The following MTOR variants were observed in gnomAD, a reference collection of about 807,000 sequenced individuals.
The protein encoded by MTOR is serine/threonine-protein kinase mTOR.
MTOR carries 70 observed loss-of-function variants against 319.8 expected under a neutral mutation model. The ratio of observed to expected loss-of-function variants is 0.22; its 90% CI spans 0.18 to 0.27. The LOEUF is 0.27. Among genes scored for constraint, MTOR ranks in the 10% least tolerant of loss-of-function variants. The pLI is 1.00. For synonymous variants in MTOR, 1,183 were observed against 1,211.4 expected (o/e 0.98, Z 0.49); for missense variants, 1,890 against 3,274.4 (o/e 0.58, Z 10.32).
intron 28 of MTOR, among the ~76,000 whole-genome samples, chr1:11,172,016 G>A (rs1439199432): frequency 6.9e-6 from 1 of 144,184 alleles, no homozygotes; most frequent in Admixed American, 7.0e-5. Flanking sequence ...GGCAACAAGA[G>A]CAAAACTCCA....
rs567884611 is a variant in MTOR at position 11,229,051 on chromosome 1, T to C, written c.2780-133A>G. The C allele has an allele frequency of 3.6e-5, 42 of 1,167,788 alleles. 1 individual carries two copies. Among genetic ancestry groups the C allele is most frequent in the Non-Finnish European group, 5.0e-5 (41 of 817,646 alleles). The allele number at this position is 1,167,788 out of a possible 1,614,324, so 72.3% of individuals were successfully genotyped here. A position where few individuals can be genotyped will look rare whatever the true frequency, so the allele number is the denominator to read the frequency against. The stretch of plus-strand genomic sequence containing the variant: ...CTTTCTTCCTAGTATGTTCTAACAC[T>C]GTTGGGAGTTCAAGGTCTATTAGGA... On this transcript the variant is annotated intron_variant, in intron 18 of 57. Coordinates refer to ENST00000361445, the MANE Select transcript of MTOR (RefSeq NM_004958.4).
chr1:11,159,267 G>C (rs1176494322), intron 29 of MTOR, among the ~76,000 whole-genome samples: 1 of 152,170 alleles, frequency 6.6e-6, no homozygotes, highest in Admixed American at 6.5e-5. Flanking sequence ...TGCAAACAAG[G>C]ATTGTGGCAA....
intron 19 of MTOR, among the ~76,000 whole-genome samples, chr1:11,224,793 A>C (rs1431665709): frequency 6.6e-6 from 1 of 152,244 alleles, no homozygotes; most frequent in African/African-American, 2.4e-5. Flanking sequence ...ACTTCTAAAT[A>C]ACTCAAGGGT....
At chr1:11,203,642 A>T (rs1456247989) in intron 26 of MTOR, among the ~76,000 whole-genome samples, 3 of 152,006 alleles carry the variant, frequency 2.0e-5, no homozygotes, top group Admixed American at 1.3e-4. Context: ...ACTGCAGTCC[A>T]GCCTGAGCAA....
intron 52 of MTOR, 130 bp from the exon 53 acceptor site, chr1:11,114,583 TAGG>T: frequency 7.4e-7 from 1 of 1,344,368 alleles, no homozygotes; most frequent in Non-Finnish European, 1.0e-6. Context: ...GAGAATGTCT[TAGG>T]AGAAGGAATC....
At chr1:11,157,749 G>T (rs1030420101) in intron 29 of MTOR, among the ~76,000 whole-genome samples, 5 of 152,138 alleles carry the variant, frequency 3.3e-5, no homozygotes, top group African/African-American at 1.2e-4. Flanking sequence ...TCCTGATGGG[G>T]CCAGAAAGAC....
rs1643093803 is a variant in MTOR at position 11,130,596 on chromosome 1, C to T, written c.5546G>A (p.Ser1849Asn). ...CTCGGTGCTCTCGGCCTCGCTCTCA[C>T]TGTTGCTGCCCTCGGTGCTGGCAGT... ...TTTASTEGSN[S>N]ESEAESTENS... Residue 1849 changes from serine (S) to asparagine (N), a missense_variant, in exon 39 of 58, where the codon AGT becomes AAT. By Grantham distance (46) the Ser-to-Asn change is conservative. Coordinates refer to ENST00000361445, the MANE Select transcript of MTOR (RefSeq NM_004958.4). 3 of 1,613,940 alleles carry T rather than the reference C, an allele frequency of 1.9e-6. No individual in the cohort carries two copies.
Position 11,212,583 on chromosome 1 carries a change from T to C in MTOR, c.3399-109A>G. The C allele has an allele frequency of 7.4e-7, 1 of 1,349,898 alleles. No individual in the cohort carries two copies. Among genetic ancestry groups the C allele is most frequent in the East Asian group, 2.4e-5 (1 of 42,086 alleles). The allele number at this position is 1,349,898 out of a possible 1,614,324, so 83.6% of individuals were successfully genotyped here. A position where few individuals can be genotyped will look rare whatever the true frequency, so the allele number is the denominator to read the frequency against. On this transcript the variant is annotated intron_variant, in intron 22 of 57. Transcript: ENST00000361445. This position sits in a 1 kb window ranked among gnomAD's most constrained non-coding sequence, Gnocchi z 4.1. ...CACCAAAGGGATGGGAATGAACGGCTTCTAAGGTATTTTGGATGACATGGA... is the reference window on the plus strand; with the variant it reads ...CACCAAAGGGATGGGAATGAACGGCCTCTAAGGTATTTTGGATGACATGGA...
chr1:11,218,675 G>C (rs1008579719), intron 19 of MTOR, among the ~76,000 whole-genome samples: 4 of 152,148 alleles, frequency 2.6e-5, no homozygotes, highest in African/African-American at 9.7e-5. Flanking sequence ...TTATTCATAA[G>C]GAGTAGCTGC....
Position 11,109,279 on chromosome 1 carries a change from G to C in MTOR, c.7528+11C>G, listed in dbSNP as rs144191275. On this transcript the variant is annotated intron_variant, in intron 56 of 57. Coordinates refer to ENST00000361445, the MANE Select transcript of MTOR (RefSeq NM_004958.4). This position sits in a 1 kb window ranked among gnomAD's most constrained non-coding sequence, Gnocchi z 4.0. The stretch of plus-strand genomic sequence containing the variant: ...TTATGTCCCTTTTAAGTAAACACAT[G>C]ACACACTCACCAGTGAGCTTATCTC... 2 of 1,612,298 alleles carry C rather than the reference G, an allele frequency of 1.2e-6. No individual in the cohort carries two copies. Among genetic ancestry groups the C allele is most frequent in the Non-Finnish European group, 1.7e-6 (2 of 1,178,894 alleles).
chr1:11,226,709 G>C (rs928700482), intron 19 of MTOR, among the ~76,000 whole-genome samples: 1 of 152,016 alleles, frequency 6.6e-6, no homozygotes, highest in Non-Finnish European at 1.5e-5. Context: ...AGGAGGTGGA[G>C]GTTGCAGTGA....
intron 49 of MTOR, among the ~76,000 whole-genome samples, chr1:11,118,618 CT>C (rs1359304379): frequency 0.094 from 11,899 of 127,152 alleles, 415 homozygotes; most frequent in Admixed American, 0.11. Flanking sequence ...TTTTCTTCTT[CT>C]TTTTTTTTTT....
chr1:11,126,719 T>G lies in MTOR; in HGVS notation c.6429A>C (p.Thr2143=). The change falls in exon 46 of 58, where the codon ACA becomes ACC. Residue 2143 remains threonine (T), a synonymous_variant. Transcript: ENST00000361445. Reference sequence around the variant, plus strand: ...GAATGATTGGCTGGTTGGGGTCATATGTTCCTGGCACAGCCAATTCAAGGT... The same window carrying G: ...GAATGATTGGCTGGTTGGGGTCATAGGTTCCTGGCACAGCCAATTCAAGGT... ...CRDLELAVPG[T]YDPNQPIIRI... is the part of the protein sequence containing the mutation. 6.2e-7 allele frequency: 1 copy of G among 1,614,134 alleles called. No individual in the cohort carries two copies. Among genetic ancestry groups the G allele is most frequent in the Non-Finnish European group, 8.5e-7 (1 of 1,180,020 alleles).
chr1:11,146,754 G>A lies in MTOR; in HGVS notation c.4608C>T (p.Ile1536=), dbSNP rs759106182. 1 of 1,614,056 alleles carries A rather than the reference G, an allele frequency of 6.2e-7. No individual in the cohort carries two copies. The highest frequency in any genetic ancestry group is 2.2e-5 in the East Asian group (1 of 44,872). The change falls in exon 32 of 58, where the codon ATC becomes ATT. Residue 1536 remains isoleucine (I), a synonymous_variant. Coordinates refer to ENST00000361445, the MANE Select transcript of MTOR (RefSeq NM_004958.4). ...ATGCCCCATCATGGGTGTCCCGAGG[G>A]ATCATACAGGTGTATTCTTCCATGC... is the stretch of plus-strand genomic sequence containing the variant. ...WDSMEEYTCM[I]PRDTHDGAFY...
intron 5 of MTOR, among the ~76,000 whole-genome samples, chr1:11,255,118 C>T (rs924736091): frequency 2.0e-5 from 3 of 152,120 alleles, no homozygotes; most frequent in African/African-American, 7.2e-5. Context: ...GGCACAGTGG[C>T]TCATGCCTGT....
chr1:11,226,126 C>G (rs1347619684), intron 19 of MTOR: 2 of 152,124 alleles, frequency 1.3e-5, no homozygotes, highest in Non-Finnish European at 2.9e-5. Context: ...TGTGATTCAA[C>G]ATATTTAACA....
At chr1:11,163,116 A>T (rs1187433234) in intron 29 of MTOR, among the ~76,000 whole-genome samples, 1 of 152,232 alleles carries the variant, frequency 6.6e-6, no homozygotes, top group African/African-American at 2.4e-5. Flanking sequence ...GAAAACAAAA[A>T]AAAAGCAGGG....
Position 11,212,600 on chromosome 1 carries a change from T to G in MTOR, c.3399-126A>C. The G allele has an allele frequency of 8.0e-7, 1 of 1,243,726 alleles. No homozygotes were observed. Among genetic ancestry groups the G allele is most frequent in the Non-Finnish European group, 1.1e-6 (1 of 893,770 alleles). The allele number at this position is 1,243,726 out of a possible 1,614,324, so 77.0% of individuals were successfully genotyped here. A position where few individuals can be genotyped will look rare whatever the true frequency, so the allele number is the denominator to read the frequency against. On this transcript the variant is annotated intron_variant, in intron 22 of 57. Coordinates refer to ENST00000361445, the MANE Select transcript of MTOR (RefSeq NM_004958.4). This position sits in a 1 kb window ranked among gnomAD's most constrained non-coding sequence, Gnocchi z 4.1. Reference sequence around the variant, plus strand: ...TGAACGGCTTCTAAGGTATTTTGGATGACATGGATCCAACATTTATTCCAA... The same window carrying G: ...TGAACGGCTTCTAAGGTATTTTGGAGGACATGGATCCAACATTTATTCCAA...
At chr1:11,195,705 A>G (rs1645760869) in intron 28 of MTOR, 1 of 152,692 alleles carries the variant, frequency 6.5e-6, no homozygotes, top group African/African-American at 2.4e-5. Flanking sequence ...CAGGAGGTGG[A>G]CAGAGTCTCT....
Sources: allele counts gnomAD v4.1 joint callset (sites outside exome capture counted in the v4.1 genomes callset), GRCh38; gene constraint gnomAD v4.1.1; non-coding constraint Gnocchi (gnomAD v3.1); transcripts MANE v1.5; gene names NCBI Gene and HGNC (gene_info 2026-07-23, HGNC 2026-07-21).